Variants in FARS2 observed in about 807,000 individuals in gnomAD.
FARS2 encodes phenylalanyl-tRNA synthetase 2, mitochondrial.
FARS2 carries 40 observed loss-of-function variants against 46.4 expected under a neutral mutation model. That is an observed-to-expected ratio of 0.86 (90% CI 0.67 to 1.12). The LOEUF (loss-of-function observed/expected upper bound fraction) is 1.12, where lower values mean the gene tolerates loss of function less well. Among genes scored for constraint, FARS2 ranks in the 50% most tolerant of loss-of-function variants. The pLI, the probability that FARS2 is intolerant of heterozygous loss-of-function variation, is 0.00. For synonymous variants in FARS2, 234 were observed against 214.9 expected (o/e 1.09, Z -0.78); for missense variants, 513 against 567.9 (o/e 0.90, Z 0.98).
chr6:5,427,021 T>C (rs1344884553), intron 3 of FARS2, among the ~76,000 whole-genome samples: 1 of 152,150 alleles, frequency 6.6e-6, no homozygotes, highest in African/African-American at 2.4e-5. Context: ...AAATAATTAC[T>C]ATTTATGTTT....
intron 6 of FARS2, among the ~76,000 whole-genome samples, chr6:5,733,789 G>A (rs933439092): frequency 3.3e-5 from 5 of 152,180 alleles, no homozygotes; most frequent in African/African-American, 7.2e-5. Flanking sequence ...GGAGGACACC[G>A]GCTCCTAAGT....
intron 5 of FARS2, among the ~76,000 whole-genome samples, chr6:5,608,508 CTG>C (rs576329081): frequency 6.6e-6 from 1 of 152,202 alleles, no homozygotes; most frequent in African/African-American, 2.4e-5. Flanking sequence ...TCTACTGTAT[CTG>C]TAGTTTTTTT....
At chr6:5,478,084 C>T (rs1338972152) in intron 4 of FARS2, among the ~76,000 whole-genome samples, 3 of 42,278 alleles carry the variant, frequency 7.1e-5, no homozygotes, top group South Asian at 9.4e-4. Flanking sequence ...AACACACATA[C>T]AATAAAACAC....
intron 4 of FARS2, among the ~76,000 whole-genome samples, chr6:5,441,734 G>A (rs916611763): frequency 6.6e-6 from 1 of 152,136 alleles, no homozygotes; most frequent in Non-Finnish European, 1.5e-5. Context: ...GAATGTATAG[G>A]TGTAAGAGTC....
chr6:5,295,800 G>A (rs904270674), intron 1 of FARS2, among the ~76,000 whole-genome samples: 2 of 152,168 alleles, frequency 1.3e-5, no homozygotes, highest in African/African-American at 4.8e-5. Flanking sequence ...CTAAATGAAG[G>A]CGTGTTTATT....
At chr6:5,322,107 C>A (rs1770020684) in intron 1 of FARS2, among the ~76,000 whole-genome samples, 1 of 152,178 alleles carries the variant, frequency 6.6e-6, no homozygotes, top group South Asian at 2.1e-4. Flanking sequence ...CAAAAACAAA[C>A]ACGTGTTTAC....
intron 6 of FARS2, among the ~76,000 whole-genome samples, chr6:5,696,682 A>T (rs1331559586): frequency 1.3e-5 from 2 of 152,244 alleles, no homozygotes; most frequent in African/African-American, 4.8e-5. Context: ...GGAAATCATT[A>T]ACAATTATCT....
chr6:5,341,017 G>A (rs927199116), intron 1 of FARS2, among the ~76,000 whole-genome samples: 5 of 150,672 alleles, frequency 3.3e-5, no homozygotes, highest in African/African-American at 9.8e-5. Context: ...GCATGGTGAC[G>A]TGCGCCTGTA....
chr6:5,515,359 A>T (rs1768723438), intron 4 of FARS2, among the ~76,000 whole-genome samples: 1 of 152,178 alleles, frequency 6.6e-6, no homozygotes, highest in African/African-American at 2.4e-5. Flanking sequence ...TGATATAGTC[A>T]TTTCATGGGG....
chr6:5,392,733 TATAC>T (rs942911732), intron 2 of FARS2, among the ~76,000 whole-genome samples: 17 of 85,136 alleles, frequency 2.0e-4, no homozygotes, highest in South Asian at 9.3e-4. Context: ...AATATATATA[TATAC>T]ACACACACAC....
intron 6 of FARS2, among the ~76,000 whole-genome samples, chr6:5,694,672 A>G (rs1332367689): frequency 6.6e-6 from 1 of 152,142 alleles, no homozygotes; most frequent in Non-Finnish European, 1.5e-5. Flanking sequence ...TGTAGTGCCT[A>G]TGAGTTCTCA....
chr6:5,729,074 A>G (rs575169959), intron 6 of FARS2, among the ~76,000 whole-genome samples: 3 of 152,256 alleles, frequency 2.0e-5, no homozygotes, highest in African/African-American at 7.2e-5. Context: ...GCTCACTCAT[A>G]CTGCAGATGA....
At chr6:5,657,845 CAG>C (rs1490115392) in intron 6 of FARS2, among the ~76,000 whole-genome samples, 2 of 152,146 alleles carry the variant, frequency 1.3e-5, no homozygotes, top group Non-Finnish European at 2.9e-5. Context: ...GGCTCGCAGG[CAG>C]ATTGCCTAGA....
At chr6:5,446,074 G>T (rs1562046913) in intron 4 of FARS2, among the ~76,000 whole-genome samples, 1 of 151,952 alleles carries the variant, frequency 6.6e-6, no homozygotes, top group Non-Finnish European at 1.5e-5. Context: ...GTGGGGGCGG[G>T]CACCTGTAGT....
intron 2 of FARS2, among the ~76,000 whole-genome samples, chr6:5,378,517 C>T (rs367589611): frequency 1.1e-4 from 16 of 152,202 alleles, no homozygotes; most frequent in Admixed American, 2.6e-4. Flanking sequence ...CAAGCTTCCC[C>T]GCTGTTACTC....
chr6:5,615,018 T>C (rs1371945590), intron 6 of FARS2, among the ~76,000 whole-genome samples: 1 of 152,232 alleles, frequency 6.6e-6, no homozygotes, highest in Non-Finnish European at 1.5e-5. Flanking sequence ...CTTGATCTTT[T>C]TGCTTTTTGT....
rs185070533 is a variant in FARS2, at chr6:5,598,816, G to T, written c.1066-14353G>T. 1.6e-3 allele frequency among the ~76,000 whole-genome samples: 248 copies of T among 152,270 alleles called. 2 individuals carry two copies. The highest frequency in any genetic ancestry group is 2.1e-3 in the Non-Finnish European group (146 of 68,004). On this transcript the variant is annotated intron_variant, in intron 5 of 6. Transcript: ENST00000274680. Reference sequence around the variant, plus strand: ...AAGGAGGAAGGTCAGATTCAAGGGGGTCCAGTCTGTAAAAGGCCTTCCTTC... The same window carrying T: ...AAGGAGGAAGGTCAGATTCAAGGGGTTCCAGTCTGTAAAAGGCCTTCCTTC...
intron 2 of FARS2, among the ~76,000 whole-genome samples, chr6:5,393,298 G>A (rs1030225402): frequency 1.3e-5 from 2 of 152,088 alleles, no homozygotes; most frequent in African/African-American, 4.8e-5. Context: ...AGGAGTGGTG[G>A]TTATGGTGTC....
intron 1 of FARS2, among the ~76,000 whole-genome samples, chr6:5,304,939 G>T (rs993960005): frequency 6.6e-6 from 1 of 152,202 alleles, no homozygotes; most frequent in Non-Finnish European, 1.5e-5. Flanking sequence ...GGAATACCTA[G>T]TGATTTGGAG....
Sources: allele counts gnomAD v4.1 joint callset (sites outside exome capture counted in the v4.1 genomes callset), GRCh38; gene constraint gnomAD v4.1.1; transcripts MANE v1.5; gene names NCBI Gene and HGNC (gene_info 2026-07-23, HGNC 2026-07-21).